Variants in OIT3 observed in about 807,000 individuals in gnomAD.
OIT3 encodes oncoprotein-induced transcript 3 protein.
OIT3 carries 41 observed loss-of-function variants against 52.2 expected under a neutral mutation model. The observed-to-expected ratio is 0.79, with a 90% confidence interval of 0.61 to 1.02. The LOEUF is 1.02. Among genes scored for constraint, OIT3 ranks in the 50% least tolerant of loss-of-function variants. The pLI is 0.00. For synonymous variants in OIT3, 244 were observed against 276.9 expected, an observed-to-expected ratio of 0.88 and a Z score of 1.18; for missense variants, 634 against 715.5, an observed-to-expected ratio of 0.89 and a Z score of 1.30.
intron 6 of OIT3, among the ~76,000 whole-genome samples, chr10:72,921,915 G>T (rs57552377): frequency 6.6e-6 from 1 of 151,602 alleles, no homozygotes; most frequent in East Asian, 1.9e-4. Flanking sequence ...CAAGTGATCC[G>T]CCTGCCTCAG....
At chr10:72,898,266 G>A (rs1845895070) in intron 1 of OIT3, among the ~76,000 whole-genome samples, 1 of 152,136 alleles carries the variant, frequency 6.6e-6, no homozygotes, top group African/African-American at 2.4e-5. Context: ...CAGCCTGGGT[G>A]ACAGAGCCAA....
At chr10:72,904,607 T>TA (rs1372768035) in intron 3 of OIT3, among the ~76,000 whole-genome samples, 2 of 152,252 alleles carry the variant, frequency 1.3e-5, no homozygotes, top group Admixed American at 1.3e-4. Context: ...ACACTTCTTT[T>TA]ATTTTGCTTA....
In OIT3 at chr10:72,918,112, G is replaced by T. The variant is rs1320721460; in HGVS notation, c.951+4644G>T. The T allele has an allele frequency of 5.1e-6, 7 of 1,381,006 alleles. No individual in the cohort carries two copies. In the African/African-American group the frequency reaches 9.9e-5, roughly 20 times the overall value. 85.5% of individuals were successfully genotyped at this position (1,381,006 alleles called of 1,614,324 possible). A position where few individuals can be genotyped will look rare whatever the true frequency, so the allele number is the denominator to read the frequency against. On this transcript the variant is annotated intron_variant, in intron 6 of 8. Coordinates refer to ENST00000334011, the MANE Select transcript of OIT3 (RefSeq NM_152635.3). Reference sequence around the variant, plus strand: ...TTGCTACCACCTCCAGGGGCAGACTGCTTTCCAGTTATACTTAAGAGTTTC... The same window carrying T: ...TTGCTACCACCTCCAGGGGCAGACTTCTTTCCAGTTATACTTAAGAGTTTC...
chr10:72,902,073 A>T (rs1296469847), intron 3 of OIT3, among the ~76,000 whole-genome samples: 2 of 151,988 alleles, frequency 1.3e-5, no homozygotes, highest in Non-Finnish European at 1.5e-5. Context: ...AAACATAAAT[A>T]CTTCAATAAA....
At chr10:72,915,069 T>G (rs1230979413) in intron 6 of OIT3, among the ~76,000 whole-genome samples, 1 of 152,148 alleles carries the variant, frequency 6.6e-6, no homozygotes, top group African/African-American at 2.4e-5. Context: ...TTTCACCATG[T>G]TGGTCAGGCT....
In OIT3 at chr10:72,932,426, C is replaced by G. The variant is rs771929184; in HGVS notation, c.1540C>G (p.His514Asp). ...GCGTTCCCGCTGTGCCCAGGGTTGCCACCGGCGAATGCGTCGTGGGGCAGG... is the reference window on the plus strand; with the variant it reads ...GCGTTCCCGCTGTGCCCAGGGTTGCGACCGGCGAATGCGTCGTGGGGCAGG... ...DERSRCAQGC[H>D]RRMRRGAGGE... The change falls in exon 9 of 9, where the codon CAC (histidine) becomes GAC (aspartate). Residue 514 changes from histidine to aspartate, a missense_variant. His to Asp is a moderately conservative substitution (Grantham distance 81). Transcript: ENST00000334011. 3.7e-6 allele frequency: 6 copies of G among 1,614,208 alleles called. No homozygotes were observed. The highest frequency in any genetic ancestry group is 5.1e-6 in the Non-Finnish European group (6 of 1,180,026).
intron 6 of OIT3, among the ~76,000 whole-genome samples, chr10:72,915,364 T>C (rs1484587565): frequency 6.6e-6 from 1 of 152,172 alleles, no homozygotes; most frequent in African/African-American, 2.4e-5. Context: ...TCTACAAAGC[T>C]GCCACAAGCA....
At chr10:72,903,384 C>G (rs1022453693) in intron 3 of OIT3, among the ~76,000 whole-genome samples, 48 of 152,246 alleles carry the variant, frequency 3.2e-4, no homozygotes, top group African/African-American at 7.9e-4. Flanking sequence ...CACCACCATG[C>G]CTGGCTAATT....
rs1846087748 is a variant in OIT3, at chr10:72,917,978, TTCATCATTA to T, written c.951+4522_951+4530del. On this transcript the variant is annotated intron_variant, in intron 6 of 8. Coordinates refer to ENST00000334011, the MANE Select transcript of OIT3 (RefSeq NM_152635.3). The stretch of plus-strand genomic sequence containing the variant: ...CTTTTTCTTCAGCTTCCTCATTATC[TTCATCATTA>T]TCATCATTATCTTCATCATCATCTT... The T allele has an allele frequency of 7.2e-6, 6 of 830,010 alleles. No homozygotes were observed. In the East Asian group the frequency reaches 1.4e-4, roughly 20 times the overall value. The allele number at this position is 830,010 out of a possible 1,614,324, so 51.4% of individuals were successfully genotyped here.
intron 6 of OIT3, among the ~76,000 whole-genome samples, chr10:72,916,334 C>G (rs1436141012): frequency 1.3e-5 from 2 of 152,114 alleles, no homozygotes; most frequent in Non-Finnish European, 1.5e-5. Flanking sequence ...CTACCTTCCA[C>G]TCTCTGATAG....
chr10:72,913,205 G>A (rs908527627), intron 5 of OIT3, 103 bp from the exon 6 acceptor site: 8 of 883,838 alleles, frequency 9.1e-6, no homozygotes, highest in Non-Finnish European at 1.3e-5. Context: ...CCTTGGGGAT[G>A]GAACAAAAAG....
At chr10:72,904,289 AG>A (rs2132929715) in intron 3 of OIT3, among the ~76,000 whole-genome samples, 1 of 152,150 alleles carries the variant, frequency 6.6e-6, no homozygotes, top group South Asian at 2.1e-4. Flanking sequence ...GTCTTGCCGG[AG>A]CTCCCGGCCG....
chr10:72,901,427 A>C (rs898213107), intron 3 of OIT3, among the ~76,000 whole-genome samples: 1 of 152,198 alleles, frequency 6.6e-6, no homozygotes, highest in East Asian at 1.9e-4. Context: ...CCAAGATTGA[A>C]TATTATTTCT....
chr10:72,913,101 G>A (rs952889743), intron 5 of OIT3, among the ~76,000 whole-genome samples: 2 of 152,142 alleles, frequency 1.3e-5, no homozygotes, highest in Non-Finnish European at 1.5e-5. Flanking sequence ...CCTAATTCAG[G>A]GAACCATATA....
At chr10:72,923,000 T>C (rs1846134923) in intron 6 of OIT3, among the ~76,000 whole-genome samples, 1 of 152,160 alleles carries the variant, frequency 6.6e-6, no homozygotes, top group South Asian at 2.1e-4. Flanking sequence ...CTCAGCCTCT[T>C]GAGTAGCTGG....
At chr10:72,923,317 C>A (rs1359658696) in intron 6 of OIT3, among the ~76,000 whole-genome samples, 3 of 152,230 alleles carry the variant, frequency 2.0e-5, no homozygotes, top group African/African-American at 7.2e-5. Context: ...GCAAAGATAG[C>A]AGCCTGGCCC....
At chr10:72,898,146 G>C (rs532477466) in intron 1 of OIT3, among the ~76,000 whole-genome samples, 2 of 151,556 alleles carry the variant, frequency 1.3e-5, no homozygotes, top group Non-Finnish European at 2.9e-5. Flanking sequence ...AATTAGCCAG[G>C]TGTGGTGGCA....
intron 2 of OIT3, among the ~76,000 whole-genome samples, chr10:72,900,029 G>T (rs977066860): frequency 1.3e-5 from 2 of 152,194 alleles, no homozygotes; most frequent in African/African-American, 4.8e-5. Context: ...CTGAAGTTGG[G>T]AATCATTGAT....
chr10:72,922,574 G>A (rs1846130875), intron 6 of OIT3, among the ~76,000 whole-genome samples: 1 of 151,908 alleles, frequency 6.6e-6, no homozygotes, highest in Non-Finnish European at 1.5e-5. Flanking sequence ...TTCTTTGTCA[G>A]CTCCTACAAT....
Sources: allele counts gnomAD v4.1 joint callset (sites outside exome capture counted in the v4.1 genomes callset), GRCh38; gene constraint gnomAD v4.1.1; transcripts MANE v1.5; gene names NCBI Gene and HGNC (gene_info 2026-07-23, HGNC 2026-07-21).